Variants in TENM2 observed in about 807,000 individuals in gnomAD.
The protein encoded by TENM2 is teneurin transmembrane protein 2.
Under a neutral mutation model 245.2 loss-of-function variants are expected in TENM2, and 52 were observed. That is an observed-to-expected ratio of 0.21 (90% CI 0.17 to 0.27). TENM2 has a LOEUF of 0.27. Among genes scored for constraint, TENM2 ranks in the 10% least tolerant of loss-of-function variants. The probability of loss-of-function intolerance (pLI) is 1.00; values close to 1 mark genes in which losing one functional copy is unlikely to be tolerated. For synonymous variants in TENM2, 1,363 were observed against 1,438.9 expected (o/e 0.95, Z 1.19); for missense variants, 3,046 against 3,666.8 (o/e 0.83, Z 4.37).
the TENM2 span, among the ~76,000 whole-genome samples, chr5:167,082,862 T>G: frequency 2.0e-5 from 3 of 152,180 alleles, no homozygotes; most frequent in Admixed American, 1.3e-4. Flanking sequence ...TATAATTGAC[T>G]TTTAAAATAA....
At chr5:167,628,439 G>A (rs754664576) in intron 2 of TENM2, among the ~76,000 whole-genome samples, 7 of 152,132 alleles carry the variant, frequency 4.6e-5, no homozygotes, top group East Asian at 1.9e-4. Context: ...CTCTTCCCTC[G>A]TGGTATTATG....
intron 3 of TENM2, among the ~76,000 whole-genome samples, chr5:167,894,833 ACT>A (rs1775043791): frequency 6.6e-6 from 1 of 152,138 alleles, no homozygotes; most frequent in African/African-American, 2.4e-5. Flanking sequence ...ACAACCAAAA[ACT>A]CAAAACAAAG....
the TENM2 span, among the ~76,000 whole-genome samples, chr5:167,109,807 T>G: frequency 1.3e-5 from 2 of 152,216 alleles, no homozygotes; most frequent in African/African-American, 4.8e-5. Context: ...TGGCATAGGA[T>G]GCTAGTAACT....
intron 2 of TENM2, among the ~76,000 whole-genome samples, chr5:167,542,026 G>A (rs1354666184): frequency 6.6e-6 from 1 of 152,112 alleles, no homozygotes; most frequent in African/African-American, 2.4e-5. Flanking sequence ...TACTCAACAT[G>A]CCTACTCAGT....
intron 9 of TENM2, among the ~76,000 whole-genome samples, chr5:168,110,760 C>A (rs1398617742): frequency 2.0e-5 from 3 of 152,138 alleles, no homozygotes; most frequent in African/African-American, 7.2e-5. Context: ...TTTAAATATT[C>A]ATTATGTAAT....
intron 12 of TENM2, chr5:168,128,925 C>T (rs72833200): frequency 0.012 from 1,755 of 151,250 alleles, 15 homozygotes; most frequent in Non-Finnish European, 0.016. Flanking sequence ...ATTAGGAGAC[C>T]GCATGGCCCA....
chr5:167,442,123 C>T (rs893394262), intron 2 of TENM2, among the ~76,000 whole-genome samples: 8 of 152,258 alleles, frequency 5.3e-5, no homozygotes, highest in African/African-American at 1.9e-4. Context: ...AAAACCCAGG[C>T]CCCTTCCTCC....
At chr5:166,998,701 G>C in the TENM2 span, among the ~76,000 whole-genome samples, 1 of 152,306 alleles carries the variant, frequency 6.6e-6, no homozygotes, top group South Asian at 2.1e-4. Flanking sequence ...TATGGGACTT[G>C]TTTGGGTCTT....
At chr5:167,287,456 C>T (rs918910239) in intron 1 of TENM2, 12 of 152,096 alleles carry the variant, frequency 7.9e-5, no homozygotes, top group African/African-American at 2.9e-4. Context: ...ATTTAAAACC[C>T]AAGACACTGA....
intron 2 of TENM2, among the ~76,000 whole-genome samples, chr5:167,544,979 C>G (rs962493541): frequency 6.6e-6 from 1 of 152,018 alleles, no homozygotes; most frequent in Non-Finnish European, 1.5e-5. Context: ...AGTTCACTGT[C>G]CCTGAGAATG....
At chr5:167,443,590 G>C (rs1030565438) in intron 2 of TENM2, among the ~76,000 whole-genome samples, 6 of 152,124 alleles carry the variant, frequency 3.9e-5, no homozygotes, top group African/African-American at 1.4e-4. Context: ...AGAACTTTTA[G>C]TAATTCTCTT....
At chr5:167,970,330 A>T (rs533833668) in intron 4 of TENM2, among the ~76,000 whole-genome samples, 11 of 152,354 alleles carry the variant, frequency 7.2e-5, no homozygotes, top group Admixed American at 2.0e-4. Context: ...GTCTCCTGAC[A>T]TCTCTTTTAA....
chr5:167,337,293 A>T (rs1757835523), intron 1 of TENM2, among the ~76,000 whole-genome samples: 1 of 152,154 alleles, frequency 6.6e-6, no homozygotes, highest in South Asian at 2.1e-4. Context: ...CAATTAAGAA[A>T]AAAATTAAAC....
chr5:167,798,929 C>A (rs1765507813), intron 2 of TENM2, among the ~76,000 whole-genome samples: 1 of 152,242 alleles, frequency 6.6e-6, no homozygotes, highest in Non-Finnish European at 1.5e-5. Context: ...GAACAGTTCT[C>A]TCTCTTCTGC....
chr5:167,517,857 T>A (rs1770486451), intron 2 of TENM2, among the ~76,000 whole-genome samples: 1 of 151,970 alleles, frequency 6.6e-6, no homozygotes, highest in African/African-American at 2.4e-5. Flanking sequence ...GGGGGGTTGA[T>A]GGAGTCGAGA....
chr5:167,976,081 T>C (rs1782419328), intron 4 of TENM2, among the ~76,000 whole-genome samples: 1 of 152,228 alleles, frequency 6.6e-6, no homozygotes. Context: ...TCACATATGA[T>C]ACTTAGTCTG....
At chr5:167,651,012 G>A (rs1754423973) in intron 2 of TENM2, among the ~76,000 whole-genome samples, 4 of 152,106 alleles carry the variant, frequency 2.6e-5, no homozygotes, top group Admixed American at 6.5e-5. Flanking sequence ...TAGCGTGCAT[G>A]TGAGGAGAAC....
chr5:168,235,799 T>A (rs143872536), intron 25 of TENM2, among the ~76,000 whole-genome samples: 1 of 137,180 alleles, frequency 7.3e-6, no homozygotes, highest in African/African-American at 3.0e-5. Context: ...AGAGTGAGAC[T>A]CTGCCTCAAA....
chr5:167,678,882 A>C (rs1756516287), intron 2 of TENM2, among the ~76,000 whole-genome samples: 1 of 152,056 alleles, frequency 6.6e-6, no homozygotes, highest in South Asian at 2.1e-4. Context: ...TATTTTTTTC[A>C]ATTACTGTTG....
Sources: gnomAD v4.1 joint callset for allele counts (sites outside exome capture counted in the v4.1 genomes callset) on GRCh38, gnomAD v4.1.1 for gene constraint, MANE v1.5 for transcripts, NCBI Gene and HGNC (gene_info 2026-07-23, HGNC 2026-07-21) for gene names.